The following KLHL32 variants were observed in gnomAD, a reference collection of about 807,000 sequenced individuals.
The protein encoded by KLHL32 is kelch-like protein 32.
In KLHL32, 35 loss-of-function variants were observed where a neutral mutation model predicts 64.8. The ratio of observed to expected loss-of-function variants is 0.54; its 90% CI spans 0.41 to 0.72. KLHL32 has a LOEUF of 0.72. Ranked by LOEUF, KLHL32 falls within the 30% of genes least tolerant of loss-of-function variation. KLHL32 has a pLI of 0.00. For missense variants in KLHL32, 589 were observed against 768.5 expected (o/e 0.77, Z 2.76); for synonymous variants, 259 against 281.0 (o/e 0.92, Z 0.78).
chr6:97,118,489 G>C (rs1006702663), intron 7 of KLHL32, among the ~76,000 whole-genome samples: 3 of 151,872 alleles, frequency 2.0e-5, no homozygotes, highest in Non-Finnish European at 2.9e-5. Context: ...CGTGGTGGCG[G>C]GCGCCTGTAA....
At chr6:97,007,556 C>T (rs1779819379) in intron 3 of KLHL32, among the ~76,000 whole-genome samples, 1 of 152,202 alleles carries the variant, frequency 6.6e-6, no homozygotes, top group South Asian at 2.1e-4. Flanking sequence ...TAGGAAGACC[C>T]TCTGGTTTTC....
At chr6:97,078,365 G>A (rs1233371223) in intron 5 of KLHL32, among the ~76,000 whole-genome samples, 1 of 152,114 alleles carries the variant, frequency 6.6e-6, no homozygotes, top group African/African-American at 2.4e-5. Flanking sequence ...ATCGACATGG[G>A]GTAATTTAGG....
the KLHL32 span, among the ~76,000 whole-genome samples, chr6:96,909,417 G>A: frequency 2.6e-5 from 4 of 152,134 alleles, no homozygotes; most frequent in African/African-American, 9.7e-5. Flanking sequence ...TGTGTGATTG[G>A]TCTTGATTTT....
the KLHL32 span, among the ~76,000 whole-genome samples, chr6:96,916,901 T>A: frequency 6.6e-6 from 1 of 152,212 alleles, no homozygotes; most frequent in East Asian, 1.9e-4. Flanking sequence ...CTAAAAATTA[T>A]GTGTGGTGAA....
At chr6:97,049,576 G>A (rs1195812229) in intron 4 of KLHL32, among the ~76,000 whole-genome samples, 2 of 134,118 alleles carry the variant, frequency 1.5e-5, no homozygotes, top group African/African-American at 2.7e-5. Context: ...CGAAACCGTC[G>A]ATAACGGGGG....
chr6:97,037,203 ATAATT>A (rs1296544221), intron 3 of KLHL32, among the ~76,000 whole-genome samples: 1 of 152,074 alleles, frequency 6.6e-6, no homozygotes, highest in Non-Finnish European at 1.5e-5. Flanking sequence ...CAAGAGAGCA[ATAATT>A]TAGTGTTTCT....
chr6:97,109,261 A>G (rs1342739993), intron 6 of KLHL32, among the ~76,000 whole-genome samples: 3 of 152,342 alleles, frequency 2.0e-5, no homozygotes, highest in Non-Finnish European at 4.4e-5. Flanking sequence ...TATAAACCCA[A>G]CAAGTAGGGA....
intron 3 of KLHL32, among the ~76,000 whole-genome samples, chr6:96,986,793 G>A (rs367545227): frequency 6.6e-6 from 1 of 152,232 alleles, no homozygotes; most frequent in South Asian, 2.1e-4. Flanking sequence ...GACTAGGAAT[G>A]GGAATTCCCT....
chr6:97,042,871 C>T (rs1454612598), intron 4 of KLHL32, among the ~76,000 whole-genome samples: 1 of 152,172 alleles, frequency 6.6e-6, no homozygotes, highest in Non-Finnish European at 1.5e-5. Context: ...GAGGTCGGGT[C>T]TGTAGGTGGA....
chr6:97,130,513 A>G (rs370800991), intron 8 of KLHL32, among the ~76,000 whole-genome samples: 9 of 152,216 alleles, frequency 5.9e-5, no homozygotes, highest in African/African-American at 2.2e-4. Flanking sequence ...GCACTATAAA[A>G]TGCAACACAA....
intron 9 of KLHL32, among the ~76,000 whole-genome samples, chr6:97,131,443 G>A (rs1167242799): frequency 1.3e-5 from 2 of 152,152 alleles, no homozygotes; most frequent in Non-Finnish European, 2.9e-5. Flanking sequence ...GTACACAGGA[G>A]TTTAGCTGCA....
intron 1 of KLHL32, among the ~76,000 whole-genome samples, chr6:96,935,853 A>G (rs1770531824): frequency 6.6e-6 from 1 of 152,240 alleles, no homozygotes. Flanking sequence ...ATGCAATAAT[A>G]TGACCTTTTT....
intron 10 of KLHL32, 132 bp from the exon 11 acceptor site, chr6:97,138,989 A>C: frequency 1.2e-6 from 1 of 800,356 alleles, no homozygotes; most frequent in Non-Finnish European, 2.0e-6. Context: ...CATCCAAGCA[A>C]GAAAAAGAAT....
chr6:97,071,924 C>A (rs1300518805), intron 5 of KLHL32, among the ~76,000 whole-genome samples: 4 of 152,188 alleles, frequency 2.6e-5, no homozygotes, highest in East Asian at 1.9e-4. Flanking sequence ...AAAACAATTT[C>A]TTTCCCTAAA....
At chr6:96,960,893 T>G (rs907407048) in intron 1 of KLHL32, among the ~76,000 whole-genome samples, 3 of 152,154 alleles carry the variant, frequency 2.0e-5, no homozygotes, top group African/African-American at 7.2e-5. Context: ...AGACCTAGAA[T>G]CAACAGAAAG....
At chr6:96,936,449 A>G (rs563203348) in intron 1 of KLHL32, among the ~76,000 whole-genome samples, 32 of 152,240 alleles carry the variant, frequency 2.1e-4, no homozygotes, top group African/African-American at 7.2e-4. Context: ...GAGCCTCTCC[A>G]TTTTTGGTTG....
At chr6:97,040,214 C>A (rs1177033074) in intron 3 of KLHL32, among the ~76,000 whole-genome samples, 1 of 151,914 alleles carries the variant, frequency 6.6e-6, no homozygotes, top group African/African-American at 2.4e-5. Context: ...GGGAACAGTT[C>A]CCACAAAACT....
intron 6 of KLHL32, among the ~76,000 whole-genome samples, chr6:97,111,034 G>T (rs192479229): frequency 3.3e-4 from 49 of 148,594 alleles, no homozygotes; most frequent in Admixed American, 2.3e-3. Context: ...AAGTCTTGGG[G>T]GGGGGGGGTC....
At chr6:96,935,555 T>C (rs569563066) in intron 1 of KLHL32, among the ~76,000 whole-genome samples, 1 of 152,274 alleles carries the variant, frequency 6.6e-6, no homozygotes, top group Admixed American at 6.5e-5. Flanking sequence ...CATCAATTGA[T>C]TTTGAACTTG....
Sources: allele counts gnomAD v4.1 joint callset (sites outside exome capture counted in the v4.1 genomes callset), GRCh38; gene constraint gnomAD v4.1.1; transcripts MANE v1.5; gene names NCBI Gene and HGNC (gene_info 2026-07-23, HGNC 2026-07-21).